Variants in ZNF385C observed in about 807,000 individuals in gnomAD.
The protein encoded by ZNF385C is CTD-2132N18.2.
A neutral mutation model predicts 35.4 loss-of-function variants in ZNF385C; 28 were observed. The observed-to-expected ratio is 0.79, with a 90% CI of 0.59 to 1.08. The LOEUF is 1.08. Among genes scored for constraint, ZNF385C ranks in the 50% least tolerant of loss-of-function variants. The pLI, the probability that ZNF385C is intolerant of heterozygous loss-of-function variation, is 0.00. For synonymous variants in ZNF385C, 248 were observed against 248.2 expected, an observed-to-expected ratio of 1.00 and a Z score of 0.01; for missense variants, 605 against 595.6, an observed-to-expected ratio of 1.02 and a Z score of -0.16.
chr17:42,066,383 G>A (rs1012074671), intron 1 of ZNF385C, among the ~76,000 whole-genome samples: 1 of 152,240 alleles, frequency 6.6e-6, no homozygotes, highest in East Asian at 1.9e-4. Flanking sequence ...AACACATAGT[G>A]TGTCTGTCTC....
intron 1 of ZNF385C, among the ~76,000 whole-genome samples, chr17:42,085,023 G>C (rs2053791144): frequency 6.6e-6 from 1 of 152,152 alleles, no homozygotes; most frequent in Admixed American, 6.6e-5. Context: ...TGGGCTGGGT[G>C]CGGTGGCTCA....
At position 42,028,832 on chromosome 17, in the gene ZNF385C, C is replaced by T. The variant is rs917405519; in HGVS notation, c.918G>A (p.Thr306=). The change falls in exon 6 of 9, where the codon ACG becomes ACA. Residue 306 remains threonine, a synonymous_variant. Transcript: ENST00000692273. ...AGGCCGAGTTCACTGTCACCTTACA[C>T]GTGGGGCAGTAGAGGTGCCCCTTCT... is the stretch of plus-strand genomic sequence containing the variant. ...RSEKGHLYCP[T]CKVTVNSASQ... is the part of the protein sequence containing the mutation. 1.5e-5 allele frequency: 23 copies of T among 1,550,480 alleles called. No homozygotes were observed. The highest frequency in any genetic ancestry group is 1.7e-4 in the Middle Eastern group (1 of 6,014).
chr17:42,030,538 A>C (rs530071687), intron 5 of ZNF385C, among the ~76,000 whole-genome samples: 1 of 151,992 alleles, frequency 6.6e-6, no homozygotes, highest in Non-Finnish European at 1.5e-5. Context: ...AACAGATACA[A>C]AAAAACCCCT....
At chr17:42,088,640 G>A (rs982651140) in intron 1 of ZNF385C, among the ~76,000 whole-genome samples, 1 of 152,218 alleles carries the variant, frequency 6.6e-6, no homozygotes, top group Non-Finnish European at 1.5e-5. Context: ...CAAGGGAAAC[G>A]CCCCAGTTCT....
chr17:42,028,203 G>C lies in ZNF385C; in HGVS notation c.1011C>G (p.Pro337=), dbSNP rs2052641208. Residue 337 remains proline, a synonymous_variant, in exon 7 of 9, where the codon CCC becomes CCG. Coordinates refer to ENST00000692273, the MANE Select transcript of ZNF385C (RefSeq NM_001392013.1). ...ACACCGGGCGGCCCCGGCTCCTCCG[G>C]GGAGCCCCTCGCTGACCTTCCATCA... ...RWMMEGQRGA[P]RRSRGRPVSR... is the part of the protein sequence containing the mutation. 2 of 1,571,744 alleles carry C rather than the reference G, an allele frequency of 1.3e-6. No individual in the cohort carries two copies. Among genetic ancestry groups the C allele is most frequent in the African/African-American group, 2.7e-5 (2 of 73,020 alleles).
At chr17:42,046,118 A>G (rs989054372) in intron 2 of ZNF385C, among the ~76,000 whole-genome samples, 5 of 152,310 alleles carry the variant, frequency 3.3e-5, no homozygotes, top group African/African-American at 1.2e-4. Flanking sequence ...GCCATCCTCT[A>G]GTTCCCCACA....
chr17:42,066,806 C>T (rs549312425), intron 1 of ZNF385C, among the ~76,000 whole-genome samples: 7 of 152,220 alleles, frequency 4.6e-5, no homozygotes, highest in Admixed American at 6.5e-5. Context: ...CAGTGGCTCA[C>T]GCCTGTAATC....
intron 1 of ZNF385C, among the ~76,000 whole-genome samples, chr17:42,098,132 A>G (rs556543423): frequency 3.3e-5 from 5 of 152,274 alleles, no homozygotes; most frequent in Non-Finnish European, 7.4e-5. Context: ...CCCACTCCAG[A>G]AAGCTGCGTG....
intron 2 of ZNF385C, chr17:42,039,511 G>T: frequency 6.8e-5 from 26 of 381,230 alleles, no homozygotes; most frequent in Non-Finnish European, 8.4e-5. Context: ...GGCCCCTCTT[G>T]AGCCAGTCCC....
chr17:42,069,444 G>A (rs1011625397), intron 1 of ZNF385C, among the ~76,000 whole-genome samples: 1 of 152,192 alleles, frequency 6.6e-6, no homozygotes, highest in Admixed American at 6.5e-5. Flanking sequence ...GACTGTGGAG[G>A]CCAGAAAACA....
At chr17:42,070,712 C>A (rs1272065084) in intron 1 of ZNF385C, among the ~76,000 whole-genome samples, 2 of 152,196 alleles carry the variant, frequency 1.3e-5, no homozygotes, top group African/African-American at 4.8e-5. Context: ...CCATCCCAGT[C>A]ATTCATGGGG....
intron 1 of ZNF385C, among the ~76,000 whole-genome samples, chr17:42,087,325 A>T (rs2053819467): frequency 6.6e-6 from 1 of 152,214 alleles, no homozygotes; most frequent in South Asian, 2.1e-4. Flanking sequence ...TTAAAACTAC[A>T]ACTGAAAACA....
intron 1 of ZNF385C, among the ~76,000 whole-genome samples, chr17:42,082,330 G>A (rs560418941): frequency 2.6e-5 from 4 of 152,310 alleles, no homozygotes; most frequent in South Asian, 2.1e-4. Flanking sequence ...GAGCCACCAC[G>A]CCCGACCTCT....
chr17:42,076,114 C>T (rs984720889), intron 1 of ZNF385C, among the ~76,000 whole-genome samples: 12 of 152,206 alleles, frequency 7.9e-5, no homozygotes, highest in Admixed American at 7.2e-4. Context: ...AGCAGGACCA[C>T]AGGTGCCAGC....
At chr17:42,027,554 GCCC>G in intron 8 of ZNF385C, 61 bp downstream of exon 8, 1 of 556,880 alleles carries the variant, frequency 1.8e-6, no homozygotes, top group Non-Finnish European at 3.3e-6. Flanking sequence ...CCCCCATCTG[GCCC>G]TCCCAGCCCA....
At chr17:42,065,663 G>A (rs761757391) in intron 1 of ZNF385C, among the ~76,000 whole-genome samples, 20 of 152,176 alleles carry the variant, frequency 1.3e-4, no homozygotes, top group Non-Finnish European at 2.9e-4. Flanking sequence ...GGAGCACAGC[G>A]ATAAGGGCAG....
rs189098233 is a variant in ZNF385C at position 42,089,717 on chromosome 17, C to T, written c.-3+8693G>A. Reference sequence around the variant, plus strand: ...AGTCAATCACACAATGGCAGAAACTCGTGTCAAGAGCCTGCAGCCCCCACA... The same window carrying T: ...AGTCAATCACACAATGGCAGAAACTTGTGTCAAGAGCCTGCAGCCCCCACA... On this transcript the variant is annotated intron_variant, in intron 1 of 8. Coordinates refer to ENST00000692273, the MANE Select transcript of ZNF385C (RefSeq NM_001392013.1). Among the ~76,000 whole-genome samples, 203 of 152,234 alleles carry T rather than the reference C, an allele frequency of 1.3e-3. 1 individual carries two copies. Among genetic ancestry groups the T allele is most frequent in the South Asian group, 2.7e-3 (13 of 4,828 alleles).
chr17:42,027,821 G>A (rs2052628200), intron 7 of ZNF385C, 93 bp from the exon 8 acceptor site: 1 of 1,369,504 alleles, frequency 7.3e-7, no homozygotes, highest in Non-Finnish European at 1.0e-6. Flanking sequence ...TCTATCCACA[G>A]CTCATACATC....
At chr17:42,042,827 C>T (rs966122110) in intron 2 of ZNF385C, 158 of 1,232,090 alleles carry the variant, frequency 1.3e-4, no homozygotes, top group Non-Finnish European at 1.6e-4. Flanking sequence ...TTCTGGCTGT[C>T]ACCCACCTGC....
Sources: gnomAD v4.1 joint callset for allele counts (sites outside exome capture counted in the v4.1 genomes callset) on GRCh38, gnomAD v4.1.1 for gene constraint, MANE v1.5 for transcripts, NCBI Gene and HGNC (gene_info 2026-07-23, HGNC 2026-07-21) for gene names.